ANKRD45: variants seen among roughly 807,000 people sequenced by gnomAD.
ANKRD45 encodes ankyrin repeat domain-containing protein 45.
Under a neutral mutation model 28.1 loss-of-function variants are expected in ANKRD45, and 21 were observed. That is an observed-to-expected ratio of 0.75 (90% CI 0.53 to 1.08). ANKRD45 has a LOEUF of 1.08. Ranked by LOEUF, ANKRD45 falls within the 50% of genes least tolerant of loss-of-function variation. The pLI is 0.00. For synonymous variants in ANKRD45, 86 were observed against 103.9 expected, an observed-to-expected ratio of 0.83 and a Z score of 1.05; for missense variants, 261 against 308.7, an observed-to-expected ratio of 0.85 and a Z score of 1.16.
chr1:173,613,207 C>G (rs986772425), intron 5 of ANKRD45, among the ~76,000 whole-genome samples: 3 of 151,968 alleles, frequency 2.0e-5, no homozygotes, highest in South Asian at 4.2e-4. Context: ...CCCGCCACCC[C>G]GTCTGGGATG....
the ANKRD45 span, among the ~76,000 whole-genome samples, chr1:173,694,815 T>A: frequency 6.6e-6 from 1 of 152,128 alleles, no homozygotes; most frequent in Non-Finnish European, 1.5e-5. Flanking sequence ...ACCTGCAGTA[T>A]TTGGTTTTCC....
the ANKRD45 span, among the ~76,000 whole-genome samples, chr1:173,682,722 C>CACACACACACACACACACACAT: frequency 2.0e-5 from 3 of 148,800 alleles, no homozygotes; most frequent in Non-Finnish European, 1.5e-5. Flanking sequence ...CACACACACA[C>CACACACACACACACACACACAT]ATCTTGGATG....
At chr1:173,711,060 C>T in the ANKRD45 span, among the ~76,000 whole-genome samples, 1 of 152,090 alleles carries the variant, frequency 6.6e-6, no homozygotes, top group Non-Finnish European at 1.5e-5. Flanking sequence ...CCCTGTGGGT[C>T]TCACCTACAA....
At chr1:173,634,034 A>G (rs1282104694) in intron 3 of ANKRD45, among the ~76,000 whole-genome samples, 1 of 152,082 alleles carries the variant, frequency 6.6e-6, no homozygotes. Flanking sequence ...GAAACAATCA[A>G]CGAAGTGAAG....
chr1:173,680,901 G>A, the ANKRD45 span, among the ~76,000 whole-genome samples: 46 of 144,558 alleles, frequency 3.2e-4, no homozygotes, highest in Admixed American at 1.5e-3. Context: ...ATTCATAAGT[G>A]AGAGTTGAAC....
At position 173,608,464 on chromosome 1, in the gene ANKRD45, C is replaced by G. The variant is rs566989446; in HGVS notation, c.*1681G>C. 4.1e-4 allele frequency among the ~76,000 whole-genome samples: 63 copies of G among 152,068 alleles called. No homozygotes were observed. The highest frequency in any genetic ancestry group is 1.4e-3 in the African/African-American group (60 of 41,496). ...TCCCAAGTCACTGGGATTACAGGCA[C>G]GTGCCACCACATACAGCTAAATTTT... On this transcript the variant is annotated 3_prime_UTR_variant, in exon 6 of 6. Coordinates refer to ENST00000333279, the MANE Select transcript of ANKRD45 (RefSeq NM_198493.3).
the ANKRD45 span, among the ~76,000 whole-genome samples, chr1:173,697,667 A>G: frequency 1.3e-5 from 2 of 152,238 alleles, no homozygotes; most frequent in Non-Finnish European, 2.9e-5. Flanking sequence ...TGAAGGAAGC[A>G]CTAAACATGG....
intron 2 of ANKRD45, among the ~76,000 whole-genome samples, chr1:173,655,092 A>G (rs1418674098): frequency 6.6e-6 from 1 of 152,132 alleles, no homozygotes. Context: ...TCTGAAGCCA[A>G]CTTCTGTCAA....
chr1:173,700,226 T>C, the ANKRD45 span, among the ~76,000 whole-genome samples: 4 of 152,254 alleles, frequency 2.6e-5, no homozygotes, highest in East Asian at 5.8e-4. Context: ...GAATCAATAT[T>C]GTGAAAATGG....
intron 3 of ANKRD45, chr1:173,637,052 A>C: frequency 7.0e-7 from 1 of 1,426,590 alleles, no homozygotes; most frequent in Non-Finnish European, 9.5e-7. Flanking sequence ...TGCATATGCA[A>C]ATGTAGCTTA....
chr1:173,624,537 A>G (rs1053859513), intron 5 of ANKRD45, among the ~76,000 whole-genome samples: 7 of 152,038 alleles, frequency 4.6e-5, no homozygotes, highest in African/African-American at 1.7e-4. Context: ...ATCCCATAAA[A>G]TTTAATGACT....
At chr1:173,632,566 A>G (rs372244970) in intron 3 of ANKRD45, among the ~76,000 whole-genome samples, 6 of 151,586 alleles carry the variant, frequency 4.0e-5, no homozygotes, top group Admixed American at 3.3e-4. Context: ...CAAAACTACA[A>G]GCCAATCTCC....
At chr1:173,638,328 G>A (rs1010805741) in intron 3 of ANKRD45, among the ~76,000 whole-genome samples, 11 of 152,146 alleles carry the variant, frequency 7.2e-5, no homozygotes, top group African/African-American at 2.7e-4. Context: ...ATTGAGCCTT[G>A]CCGGGAAAAG....
At chr1:173,696,741 C>A in the ANKRD45 span, among the ~76,000 whole-genome samples, 2 of 151,950 alleles carry the variant, frequency 1.3e-5, no homozygotes, top group Middle Eastern at 3.2e-3. Flanking sequence ...CTTAGGATTG[C>A]TTTTGCTATT....
chr1:173,620,814 A>G (rs1033523212), intron 5 of ANKRD45, among the ~76,000 whole-genome samples: 1 of 152,176 alleles, frequency 6.6e-6, no homozygotes, highest in Non-Finnish European at 1.5e-5. Context: ...ATCGGAGCAG[A>G]ATTGAAGGAG....
At chr1:173,648,936 G>A (rs1669054303) in intron 2 of ANKRD45, among the ~76,000 whole-genome samples, 1 of 152,168 alleles carries the variant, frequency 6.6e-6, no homozygotes, top group Non-Finnish European at 1.5e-5. Context: ...CAAGTTAGTG[G>A]AAAGCTGGGG....
the ANKRD45 span, among the ~76,000 whole-genome samples, chr1:173,703,686 T>G: frequency 6.6e-6 from 1 of 152,218 alleles, no homozygotes; most frequent in Non-Finnish European, 1.5e-5. Context: ...TCTTGCCCAT[T>G]TGGAGAATTT....
intron 1 of ANKRD45, 53 bp from the exon 2 acceptor site, chr1:173,659,486 T>C: frequency 7.0e-7 from 1 of 1,430,852 alleles, no homozygotes; most frequent in South Asian, 1.5e-5. Flanking sequence ...CACATCAGTA[T>C]TTGTTTATTT....
intron 5 of ANKRD45, among the ~76,000 whole-genome samples, chr1:173,613,745 G>C (rs913792548): frequency 6.6e-6 from 1 of 152,150 alleles, no homozygotes; most frequent in Non-Finnish European, 1.5e-5. Flanking sequence ...CCCTCTACCC[G>C]GCCACCACCC....
Sources: allele counts gnomAD v4.1 joint callset (sites outside exome capture counted in the v4.1 genomes callset), GRCh38; gene constraint gnomAD v4.1.1; transcripts MANE v1.5; gene names NCBI Gene and HGNC (gene_info 2026-07-23, HGNC 2026-07-21).